The following TLN2 variants were observed in gnomAD, a reference collection of about 807,000 sequenced individuals.
The protein encoded by TLN2 is talin 2, also known as talin-2.
Under a neutral mutation model 294.7 loss-of-function variants are expected in TLN2, and 118 were observed. The ratio of observed to expected loss-of-function variants is 0.40; its 90% CI spans 0.34 to 0.47. The LOEUF is 0.47. TLN2 is among the 20% of genes least tolerant of loss of function. TLN2 has a pLI of 0.84. For synonymous variants in TLN2, 1,431 were observed against 1,304.5 expected (o/e 1.10, Z -2.09); for missense variants, 3,083 against 3,282.2 (o/e 0.94, Z 1.48).
intron 1 of TLN2, among the ~76,000 whole-genome samples, chr15:62,561,990 T>C (rs1374698342): frequency 6.6e-6 from 1 of 152,222 alleles, no homozygotes; most frequent in African/African-American, 2.4e-5. Flanking sequence ...TTATCTCACC[T>C]AGTATTAAAT....
chr15:62,443,425 T>C (rs2035653753), intron 1 of TLN2, among the ~76,000 whole-genome samples: 1 of 152,244 alleles, frequency 6.6e-6, no homozygotes, highest in Non-Finnish European at 1.5e-5. Context: ...ATCTTTGTTA[T>C]AATACTAACA....
intron 32 of TLN2, among the ~76,000 whole-genome samples, chr15:62,746,259 A>T (rs1365208768): frequency 6.6e-6 from 1 of 152,196 alleles, no homozygotes; most frequent in Non-Finnish European, 1.5e-5. Context: ...ATGCCAGCCT[A>T]TCTCAGAAGC....
intron 1 of TLN2, among the ~76,000 whole-genome samples, chr15:62,398,407 G>A (rs1055264106): frequency 6.6e-6 from 1 of 152,132 alleles, no homozygotes; most frequent in Admixed American, 6.5e-5. Context: ...ACCCAGTCTT[G>A]GGTATGGGTA....
intron 2 of TLN2, among the ~76,000 whole-genome samples, chr15:62,608,999 G>A (rs1329572155): frequency 6.6e-6 from 1 of 152,078 alleles, no homozygotes; most frequent in Non-Finnish European, 1.5e-5. Context: ...GGCTGTGCAA[G>A]GGAGCATAGA....
intron 40 of TLN2, among the ~76,000 whole-genome samples, chr15:62,764,885 T>C (rs1049437367): frequency 1.6e-4 from 24 of 151,394 alleles, no homozygotes; most frequent in African/African-American, 5.8e-4. Context: ...GAGAATTGCT[T>C]GAATGTGGGA....
At chr15:62,788,713 T>C (rs2064872213) in intron 45 of TLN2, among the ~76,000 whole-genome samples, 2 of 152,228 alleles carry the variant, frequency 1.3e-5, no homozygotes, top group African/African-American at 4.8e-5. Context: ...CAAGTAAATA[T>C]GTGGAGTAGC....
intron 1 of TLN2, among the ~76,000 whole-genome samples, chr15:62,450,557 G>A (rs71409109): frequency 0.54 from 75,302 of 138,588 alleles, 20,714 homozygotes; most frequent in East Asian, 0.83. Context: ...ATGTGTGTGT[G>A]TGTGTGTGTG....
intron 1 of TLN2, among the ~76,000 whole-genome samples, chr15:62,570,907 G>C (rs1229134272): frequency 1.2e-5 from 1 of 82,582 alleles, no homozygotes; most frequent in African/African-American, 6.5e-5. Context: ...AGGCATCTGT[G>C]TGTGTGTGTG....
chr15:62,552,417 G>A (rs1221520590), intron 1 of TLN2, among the ~76,000 whole-genome samples: 3 of 152,240 alleles, frequency 2.0e-5, no homozygotes, highest in Non-Finnish European at 4.4e-5. Context: ...GACTTATGAA[G>A]CATGAAAAAT....
rs1000217885 is a variant in TLN2, at chr15:62,708,793, G to A, written c.2464G>A (p.Ala822Thr). The A allele has an allele frequency of 4.4e-6, 7 of 1,600,668 alleles. No homozygotes were observed. The highest frequency in any genetic ancestry group is 5.1e-6 in the Non-Finnish European group (6 of 1,178,892). The change falls in exon 21 of 59, where the codon GCT becomes ACT. Residue 822 changes from alanine to threonine, a missense_variant. By Grantham distance (58) the Ala-to-Thr change is moderately conservative. Coordinates refer to ENST00000636159, the MANE Select transcript of TLN2 (RefSeq NM_015059.3). ...GAGCATCTTCAGCTCCATGGGTGACGCTGGTAAGGCACTGTGCTGTGGGTG... is the reference window on the plus strand; with the variant it reads ...GAGCATCTTCAGCTCCATGGGTGACACTGGTAAGGCACTGTGCTGTGGGTG... ...TESIFSSMGD[A>T]GEMVRQARVL...
chr15:62,698,739 C>T lies in TLN2; in HGVS notation c.1474-15C>T, dbSNP rs768300772. 1.9e-6 allele frequency: 3 copies of T among 1,604,304 alleles called. No homozygotes were observed. The highest frequency in any genetic ancestry group is 2.5e-6 in the Non-Finnish European group (3 of 1,177,188). ...GGCGTGTGGGATGACAGCTTTGTTTCATTTGCCTTTGCAGACCTCAGCCCA... is the reference window on the plus strand; with the variant it reads ...GGCGTGTGGGATGACAGCTTTGTTTTATTTGCCTTTGCAGACCTCAGCCCA... On this transcript the variant is annotated splice_polypyrimidine_tract_variant and intron_variant, in intron 15 of 58. Coordinates refer to ENST00000636159, the MANE Select transcript of TLN2 (RefSeq NM_015059.3).
chr15:62,456,245 C>CT (rs1284919048), intron 1 of TLN2, among the ~76,000 whole-genome samples: 1 of 152,100 alleles, frequency 6.6e-6, no homozygotes, highest in Non-Finnish European at 1.5e-5. Context: ...TCTTTTTGTC[C>CT]TTTTCTGTAA....
chr15:62,588,118 G>C (rs1184367434), intron 1 of TLN2, among the ~76,000 whole-genome samples: 1 of 152,054 alleles, frequency 6.6e-6, no homozygotes, highest in Admixed American at 6.5e-5. Flanking sequence ...CTGACCTCGT[G>C]ATCTGCCCGC....
At chr15:62,761,942 T>C in intron 38 of TLN2, 121 bp downstream of exon 38, 1 of 1,316,004 alleles carries the variant, frequency 7.6e-7, no homozygotes, top group Non-Finnish European at 1.1e-6. Context: ...ACTGTTACTC[T>C]TGTCAATGAT....
chr15:62,813,734 A>G (rs2066871598), intron 52 of TLN2, among the ~76,000 whole-genome samples: 1 of 152,108 alleles, frequency 6.6e-6, no homozygotes, highest in African/African-American at 2.4e-5. Context: ...CATACTGTAC[A>G]TTTGATACAT....
chr15:62,427,913 C>G (rs934824346), intron 1 of TLN2, among the ~76,000 whole-genome samples: 3 of 152,104 alleles, frequency 2.0e-5, no homozygotes, highest in African/African-American at 7.2e-5. Context: ...GTGTCAGATA[C>G]GTGGAAGTCA....
intron 25 of TLN2, among the ~76,000 whole-genome samples, chr15:62,720,648 GGTGTGTGTGTGTGTGT>G (rs5813167): frequency 1.3e-4 from 20 of 149,200 alleles, no homozygotes; most frequent in African/African-American, 9.9e-5. Context: ...ATACAACACA[GGTGTGTGTGTGTGTGT>G]GTGTGTGTGT....
chr15:62,782,959 C>CT (rs1462773618), intron 44 of TLN2, among the ~76,000 whole-genome samples: 1 of 152,150 alleles, frequency 6.6e-6, no homozygotes, highest in African/African-American at 2.4e-5. Flanking sequence ...ATTAAAACTG[C>CT]TTTTGTGAGA....
intron 26 of TLN2, among the ~76,000 whole-genome samples, chr15:62,723,846 G>A (rs929161342): frequency 4.0e-5 from 6 of 150,340 alleles, no homozygotes; most frequent in Non-Finnish European, 7.4e-5. Context: ...CACTGCACCC[G>A]GCAATATTTT....
Sources: allele counts gnomAD v4.1 joint callset (sites outside exome capture counted in the v4.1 genomes callset), GRCh38; gene constraint gnomAD v4.1.1; transcripts MANE v1.5; gene names NCBI Gene and HGNC (gene_info 2026-07-23, HGNC 2026-07-21).